RGPD4: variants seen among roughly 807,000 people sequenced by gnomAD.
The protein encoded by RGPD4 is ranBP2-like and GRIP domain-containing protein 4.
Under a neutral mutation model 141.1 loss-of-function variants are expected in RGPD4, and 84 were observed. The observed-to-expected ratio is 0.60, with a 90% CI of 0.50 to 0.71. The LOEUF (loss-of-function observed/expected upper bound fraction) is 0.71. RGPD4 is among the 30% of genes least tolerant of loss of function. The probability of loss-of-function intolerance (pLI) is 0.00; values close to 1 mark genes in which losing one functional copy is unlikely to be tolerated. For synonymous variants in RGPD4, 298 were observed against 566.8 expected, an observed-to-expected ratio of 0.53 and a Z score of 6.74; for missense variants, 918 against 1,622.4, an observed-to-expected ratio of 0.57 and a Z score of 7.46.
chr2:107,888,507 T>G (rs924409286), intron 22 of RGPD4, among the ~76,000 whole-genome samples: 3 of 151,464 alleles, frequency 2.0e-5, no homozygotes, highest in Non-Finnish European at 4.4e-5. Context: ...TTCTACTTTC[T>G]AGAAGTTCTT....
intron 20 of RGPD4, among the ~76,000 whole-genome samples, chr2:107,877,807 G>GT (rs1553449754): frequency 2.7e-5 from 4 of 150,808 alleles, no homozygotes; most frequent in East Asian, 3.8e-4. Context: ...GATGACTAAG[G>GT]TTTTTTTTGT....
chr2:107,857,694 C>T (rs1320445777), intron 9 of RGPD4, among the ~76,000 whole-genome samples: 1 of 151,842 alleles, frequency 6.6e-6, no homozygotes, highest in East Asian at 1.9e-4. Context: ...CTAAGCCCCC[C>T]AAAGTGTTGG....
chr2:107,877,778 C>G (rs1027519482), intron 20 of RGPD4, among the ~76,000 whole-genome samples: 1 of 151,682 alleles, frequency 6.6e-6, no homozygotes, highest in South Asian at 2.1e-4. Flanking sequence ...ATTAAAATGA[C>G]TAACGTAGTT....
At chr2:107,878,129 A>C (rs1247965766) in intron 20 of RGPD4, among the ~76,000 whole-genome samples, 1 of 151,046 alleles carries the variant, frequency 6.6e-6, no homozygotes, top group Non-Finnish European at 1.5e-5. Flanking sequence ...CTAAATTTTA[A>C]GAAATGTTTT....
At chr2:107,846,233 A>G (rs1452751435) in intron 6 of RGPD4, among the ~76,000 whole-genome samples, 25 of 147,618 alleles carry the variant, frequency 1.7e-4, no homozygotes, top group East Asian at 6.1e-4. Context: ...GCTGGTCTCG[A>G]TCTCTTGACC....
Position 107,854,749 on chromosome 2 carries a change from T to G in RGPD4, c.1066+106T>G, listed in dbSNP as rs1682247340. 1.1e-5 allele frequency: 16 copies of G among 1,513,194 alleles called. No individual in the cohort carries two copies. The South Asian group carries it at 1.9e-4, about 18-fold the overall frequency. 93.7% of individuals were successfully genotyped at this position (1,513,194 alleles called of 1,614,324 possible). Reference sequence around the variant, plus strand: ...CTGTCCAGGAGATAATTTGTCAAAATTATTTCTTTTCGCCGTATCAGTTAA... The same window carrying G: ...CTGTCCAGGAGATAATTTGTCAAAAGTATTTCTTTTCGCCGTATCAGTTAA... On this transcript the variant is annotated intron_variant, in intron 8 of 22. Transcript: ENST00000408999.
chr2:107,845,729 A>G (rs1681906449), intron 6 of RGPD4, among the ~76,000 whole-genome samples: 1 of 152,022 alleles, frequency 6.6e-6, no homozygotes, highest in African/African-American at 2.4e-5. Flanking sequence ...ACGCTCGGCT[A>G]ATTTTTTTGT....
At chr2:107,873,352 C>T (rs1473580636) in intron 20 of RGPD4, among the ~76,000 whole-genome samples, 2 of 119,272 alleles carry the variant, frequency 1.7e-5, no homozygotes, top group Admixed American at 8.3e-5. Context: ...GTGGGCAGAT[C>T]ACTTGAGCTC....
chr2:107,858,497 G>C lies in RGPD4; in HGVS notation c.1277-617G>C, dbSNP rs561012494. ...TCTGTCACCCAGGCTGGAGCACAGT[G>C]GCGCAATCTTGGCTCACTGCAACTT... On this transcript the variant is annotated intron_variant, in intron 9 of 22. Transcript: ENST00000408999. Among the ~76,000 whole-genome samples the C allele has an allele frequency of 1.7e-4, 25 of 150,350 alleles. No homozygotes were observed. The South Asian group carries it at 4.8e-3, about 29-fold the overall frequency.
intron 7 of RGPD4, among the ~76,000 whole-genome samples, chr2:107,850,680 T>G (rs1682091847): frequency 2.5e-5 from 1 of 40,150 alleles, no homozygotes; most frequent in Admixed American, 2.3e-4. Context: ...GGAGTCTCAC[T>G]CTGTCGCCCA....
rs748859920 is a variant in RGPD4 at position 107,827,049 on chromosome 2, C to A, written c.36C>A (p.Val12=). Reference sequence around the variant, plus strand: ...GCAAGGCCTACGGGGAGCGGTACGTCGCCTCCGTGCAGGGCTCCGCCCCGT... The same window carrying A: ...GCAAGGCCTACGGGGAGCGGTACGTAGCCTCCGTGCAGGGCTCCGCCCCGT... ...SCSKAYGERY[V]ASVQGSAPSP... Residue 12 remains valine (V), a synonymous_variant, in exon 1 of 23, where the codon GTC becomes GTA. Transcript: ENST00000408999. 2.2e-4 allele frequency: 351 copies of A among 1,597,724 alleles called. No individual in the cohort carries two copies. Among genetic ancestry groups the A allele is most frequent in the Non-Finnish European group, 2.8e-4 (329 of 1,173,608 alleles).
intron 7 of RGPD4, among the ~76,000 whole-genome samples, chr2:107,849,336 G>A (rs1245076771): frequency 9.5e-6 from 1 of 104,978 alleles, no homozygotes; most frequent in Non-Finnish European, 1.9e-5. Flanking sequence ...TTACAGGCGC[G>A]AGGCACTGCG....
chr2:107,874,532 C>T (rs1018612011), intron 20 of RGPD4, among the ~76,000 whole-genome samples: 3 of 144,102 alleles, frequency 2.1e-5, no homozygotes, highest in Non-Finnish European at 4.5e-5. Context: ...GTTTTATTAC[C>T]AGCTAAGGTA....
intron 20 of RGPD4, among the ~76,000 whole-genome samples, chr2:107,878,511 C>G (rs1030687197): frequency 6.6e-6 from 1 of 151,664 alleles, no homozygotes; most frequent in Non-Finnish European, 1.5e-5. Flanking sequence ...TAAATATGTT[C>G]TTCTTTAATT....
intron 22 of RGPD4, among the ~76,000 whole-genome samples, chr2:107,887,199 G>A (rs1269117584): frequency 7.2e-5 from 11 of 152,084 alleles, no homozygotes; most frequent in Non-Finnish European, 1.6e-4. Flanking sequence ...ACTTCTGGTC[G>A]AAATCCTGGT....
At position 107,871,404 on chromosome 2, in the gene RGPD4, G is replaced by T; in HGVS notation, c.3400G>T (p.Ala1134Ser). ...ATCAGATAGAGCATGGATGTGGTCAGCCAGTGATTTCTCTGATGGTGATGC... is the reference window on the plus strand; with the variant it reads ...ATCAGATAGAGCATGGATGTGGTCATCCAGTGATTTCTCTGATGGTGATGC... ...SGSDRAWMWSASDFSDGDAKL... is the reference protein window; with the variant it reads ...SGSDRAWMWSSSDFSDGDAKL... Residue 1134 changes from alanine to serine, a missense_variant, in exon 20 of 23, where the codon GCC (alanine) becomes TCC (serine). Ala to Ser is a moderately conservative substitution (Grantham distance 99, BLOSUM62 1). Coordinates refer to ENST00000408999, the MANE Select transcript of RGPD4 (RefSeq NM_182588.3). 9.2e-7 allele frequency: 1 copy of T among 1,091,096 alleles called. No individual in the cohort carries two copies. Among genetic ancestry groups the T allele is most frequent in the East Asian group, 2.3e-5 (1 of 43,534 alleles). 67.6% of individuals were successfully genotyped at this position (1,091,096 alleles called of 1,614,324 possible). A position where few individuals can be genotyped will look rare whatever the true frequency, so the allele number is the denominator to read the frequency against.
At chr2:107,829,770 C>T (rs1025767772) in intron 1 of RGPD4, among the ~76,000 whole-genome samples, 5 of 151,992 alleles carry the variant, frequency 3.3e-5, no homozygotes, top group Admixed American at 3.3e-4. Context: ...CGACGGTGCT[C>T]GCTCCTGGGC....
chr2:107,879,871 C>A, intron 20 of RGPD4, 97 bp from the exon 21 acceptor site: 1 of 1,450,698 alleles, frequency 6.9e-7, no homozygotes, highest in Non-Finnish European at 9.3e-7. Flanking sequence ...TATAAAATAT[C>A]ACATAGTAAG....
At chr2:107,885,788 T>G (rs984251334) in intron 22 of RGPD4, among the ~76,000 whole-genome samples, 4 of 152,022 alleles carry the variant, frequency 2.6e-5, no homozygotes, top group Admixed American at 2.0e-4. Flanking sequence ...GCACGGTGGC[T>G]CACACCTGTA....
Sources: gnomAD v4.1 joint callset for allele counts (sites outside exome capture counted in the v4.1 genomes callset) on GRCh38, gnomAD v4.1.1 for gene constraint, MANE v1.5 for transcripts, NCBI Gene and HGNC (gene_info 2026-07-23, HGNC 2026-07-21) for gene names.